SGCG: variants seen among roughly 807,000 people sequenced by gnomAD.
SGCG encodes the protein gamma-sarcoglycan.
A neutral mutation model predicts 29.3 loss-of-function variants in SGCG; 26 were observed. The observed-to-expected ratio is 0.89, with a 90% CI of 0.65 to 1.23. SGCG has a LOEUF of 1.23. Ranked by LOEUF, SGCG falls within the 50% of genes most tolerant of loss-of-function variation. The pLI is 0.00. For synonymous variants in SGCG, 145 were observed against 129.7 expected, an observed-to-expected ratio of 1.12 and a Z score of -0.80; for missense variants, 353 against 356.0, an observed-to-expected ratio of 0.99 and a Z score of 0.07.
rs1396369280 is a variant in SGCG, at chr13:23,202,001, G to A, written c.1-1694G>A. Among the ~76,000 whole-genome samples the A allele has an allele frequency of 2.7e-4, 41 of 152,180 alleles. 1 individual carries two copies. The highest frequency in any genetic ancestry group is 2.7e-3 in the Admixed American group (41 of 15,282). On this transcript the variant is annotated intron_variant, in intron 1 of 7. Transcript: ENST00000218867. ...AGAGGGAGGCTGCTTTGAGGAGATG[G>A]CATGTGTGCTGCTACTGAAAGATGA...
intron 2 of SGCG, among the ~76,000 whole-genome samples, chr13:23,226,219 T>C (rs1302072786): frequency 6.6e-6 from 1 of 152,126 alleles, no homozygotes; most frequent in Non-Finnish European, 1.5e-5. Context: ...ATTATGCTGC[T>C]TATAAGAGAC....
intron 6 of SGCG, among the ~76,000 whole-genome samples, chr13:23,316,688 C>T (rs1882825962): frequency 6.6e-6 from 1 of 152,152 alleles, no homozygotes; most frequent in Admixed American, 6.5e-5. Context: ...CCCAGTGATC[C>T]ACTAGCAAAA....
intron 3 of SGCG, chr13:23,244,900 C>G (rs997953752): frequency 1.3e-5 from 2 of 152,202 alleles, no homozygotes; most frequent in African/African-American, 4.8e-5. Flanking sequence ...CCCATCAGCA[C>G]CCGGAAAAGT....
intron 5 of SGCG, among the ~76,000 whole-genome samples, chr13:23,287,986 C>T (rs1188412074): frequency 1.3e-5 from 2 of 152,192 alleles, no homozygotes; most frequent in Admixed American, 1.3e-4. Flanking sequence ...ATCTCTTGAC[C>T]TCGTGATCTG....
the SGCG span, among the ~76,000 whole-genome samples, chr13:23,162,542 C>T: frequency 6.6e-6 from 1 of 152,176 alleles, no homozygotes; most frequent in Non-Finnish European, 1.5e-5. Context: ...AGAAGAATGG[C>T]GTGAACCCGG....
chr13:23,246,279 G>C (rs779389290), intron 3 of SGCG: 1 of 152,262 alleles, frequency 6.6e-6, no homozygotes, highest in East Asian at 1.9e-4. Flanking sequence ...CGAAGGAGGA[G>C]GGAGTGTATC....
At chr13:23,200,252 G>A (rs903538345) in intron 1 of SGCG, among the ~76,000 whole-genome samples, 7 of 151,988 alleles carry the variant, frequency 4.6e-5, no homozygotes, top group African/African-American at 7.2e-5. Flanking sequence ...GTGAAACCCC[G>A]TCTCTACTAA....
intron 3 of SGCG, among the ~76,000 whole-genome samples, chr13:23,249,996 GT>G (rs888102905): frequency 2.0e-5 from 3 of 152,050 alleles, no homozygotes; most frequent in African/African-American, 7.2e-5. Flanking sequence ...CAAAACTATT[GT>G]TTACTGATAC....
chr13:23,292,345 A>G (rs1273824483), intron 5 of SGCG, among the ~76,000 whole-genome samples: 1 of 152,190 alleles, frequency 6.6e-6, no homozygotes, highest in East Asian at 1.9e-4. Flanking sequence ...CCTGGCCTCA[A>G]GTGATCTGCC....
At chr13:23,298,556 C>T (rs569742244) in intron 6 of SGCG, among the ~76,000 whole-genome samples, 1 of 151,980 alleles carries the variant, frequency 6.6e-6, no homozygotes, top group East Asian at 1.9e-4. Context: ...TAAATTATAA[C>T]AAGGTTTAAT....
At chr13:23,319,037 C>T (rs928395618) in intron 6 of SGCG, among the ~76,000 whole-genome samples, 5 of 152,158 alleles carry the variant, frequency 3.3e-5, no homozygotes, top group African/African-American at 4.8e-5. Context: ...TGGTGGCTCA[C>T]GCCTGTAATC....
At chr13:23,231,230 T>C (rs756520985) in intron 2 of SGCG, among the ~76,000 whole-genome samples, 2 of 152,226 alleles carry the variant, frequency 1.3e-5, no homozygotes, top group African/African-American at 2.4e-5. Flanking sequence ...TCATCAAGGA[T>C]ATAGAACTGA....
At chr13:23,287,842 C>T (rs1881555472) in intron 5 of SGCG, among the ~76,000 whole-genome samples, 1 of 152,030 alleles carries the variant, frequency 6.6e-6, no homozygotes, top group Non-Finnish European at 1.5e-5. Flanking sequence ...GCAACCTTTG[C>T]CTCCTGGGTT....
rs776037693 is a variant in SGCG, at chr13:23,279,495, GA to G, written c.505+22del. 3.7e-6 allele frequency: 6 copies of G among 1,610,256 alleles called. No individual in the cohort carries two copies. The highest frequency in any genetic ancestry group is 1.3e-5 in the African/African-American group (1 of 74,818). ...GAGTAACTGGTATGTACTAACTCGA[GA>G]AAAACACAACATTCCATGGAGTACA... On this transcript the variant is annotated intron_variant, in intron 5 of 7. Transcript: ENST00000218867.
At chr13:23,322,494 T>C (rs2137530885) in intron 7 of SGCG, among the ~76,000 whole-genome samples, 1 of 152,324 alleles carries the variant, frequency 6.6e-6, no homozygotes, top group East Asian at 1.9e-4. Context: ...CCGATGTCCT[T>C]CACAGATGTG....
At chr13:23,178,103 AAGGAGTGAT>A (rs1226464609), upstream of SGCG, among the ~76,000 whole-genome samples, 2 of 152,186 alleles carry the variant, frequency 1.3e-5, no homozygotes, top group Non-Finnish European at 2.9e-5. Flanking sequence ...GCTTTAGGCC[AAGGAGTGAT>A]ATGGACAGAA....
At chr13:23,300,614 G>A (rs553847934) in intron 6 of SGCG, among the ~76,000 whole-genome samples, 196 of 152,154 alleles carry the variant, frequency 1.3e-3, no homozygotes, top group Non-Finnish European at 2.4e-3. Flanking sequence ...TTGCCTGGCC[G>A]AGGTAGAAGC....
upstream of SGCG, chr13:23,180,861 C>T (rs780447435): frequency 6.6e-6 from 1 of 152,140 alleles, no homozygotes; most frequent in Non-Finnish European, 1.5e-5. Context: ...CTGTTTATGT[C>T]ACTGAGTAAA....
At chr13:23,197,593 C>T (rs746540344) in intron 1 of SGCG, among the ~76,000 whole-genome samples, 1 of 152,184 alleles carries the variant, frequency 6.6e-6, no homozygotes. Context: ...GGCTTACTCT[C>T]TTATCTGACA....
Sources: gnomAD v4.1 joint callset for allele counts (sites outside exome capture counted in the v4.1 genomes callset) on GRCh38, gnomAD v4.1.1 for gene constraint, MANE v1.5 for transcripts, NCBI Gene and HGNC (gene_info 2026-07-23, HGNC 2026-07-21) for gene names.